The following FAM13A variants were observed in gnomAD, a reference collection of about 807,000 sequenced individuals.
FAM13A encodes the protein family with sequence similarity 13 member A.
FAM13A carries 76 observed loss-of-function variants against 129.6 expected under a neutral mutation model. The ratio of observed to expected loss-of-function variants is 0.59; its 90% CI spans 0.49 to 0.71. The LOEUF (loss-of-function observed/expected upper bound fraction) is 0.71. Among genes scored for constraint, FAM13A ranks in the 30% least tolerant of loss-of-function variants. The probability of loss-of-function intolerance (pLI) is 0.00; values close to 1 mark genes in which losing one functional copy is unlikely to be tolerated. For missense variants in FAM13A, 1,108 were observed against 1,249.3 expected (o/e 0.89, Z 1.70); for synonymous variants, 443 against 449.9 (o/e 0.98, Z 0.20).
chr4:88,963,366 C>A (rs2148923064), intron 4 of FAM13A, among the ~76,000 whole-genome samples: 1 of 150,816 alleles, frequency 6.6e-6, no homozygotes, highest in East Asian at 2.0e-4. Flanking sequence ...GGTGTGATCT[C>A]AGCTCACTGC....
chr4:89,006,085 T>C lies in FAM13A; in HGVS notation c.427+14375A>G, dbSNP rs532933404. Among the ~76,000 whole-genome samples the C allele has an allele frequency of 2.6e-5, 4 of 152,356 alleles. No homozygotes were observed. In the South Asian group the frequency reaches 6.2e-4, roughly 24 times the overall value. On this transcript the variant is annotated intron_variant, in intron 3 of 23. Coordinates refer to ENST00000264344, the MANE Select transcript of FAM13A (RefSeq NM_014883.4). ...AATCCATCTTGAGCTGAATTTTGTA[T>C]ACGGTGTAAAGAAGGGGTCCAGCTT...
chr4:89,007,247 TAACA>T (rs1214868160), intron 3 of FAM13A, among the ~76,000 whole-genome samples: 1 of 152,278 alleles, frequency 6.6e-6, no homozygotes, highest in African/African-American at 2.4e-5. Context: ...GACTTGCCCC[TAACA>T]AACAGGGCAG....
intron 3 of FAM13A, among the ~76,000 whole-genome samples, chr4:89,011,462 C>G (rs1765723747): frequency 1.3e-5 from 2 of 152,192 alleles, no homozygotes; most frequent in African/African-American, 4.8e-5. Context: ...TGTTAGCCTT[C>G]TAGATGTTCT....
At chr4:88,876,532 T>C (rs1561226634) in intron 6 of FAM13A, among the ~76,000 whole-genome samples, 1 of 152,102 alleles carries the variant, frequency 6.6e-6, no homozygotes, top group Non-Finnish European at 1.5e-5. Flanking sequence ...TGTTCTAAAA[T>C]CCATTCTATA....
At chr4:88,778,195 C>G (rs1485091856) in intron 11 of FAM13A, among the ~76,000 whole-genome samples, 1 of 152,162 alleles carries the variant, frequency 6.6e-6, no homozygotes, top group Non-Finnish European at 1.5e-5. Context: ...GCCCAGTTGC[C>G]TCTCTAATAT....
At chr4:88,749,170 G>A (rs1008982636) in intron 16 of FAM13A, 137 bp from the exon 17 acceptor site, 1 of 695,126 alleles carries the variant, frequency 1.4e-6, no homozygotes, top group East Asian at 2.5e-5. Context: ...CGACCAATCA[G>A]AGCAAATGTC....
chr4:88,895,160 A>G (rs1228156492), intron 6 of FAM13A, among the ~76,000 whole-genome samples: 3 of 152,132 alleles, frequency 2.0e-5, no homozygotes, highest in Non-Finnish European at 4.4e-5. Flanking sequence ...CATCATCACC[A>G]CTATTATTTC....
intron 1 of FAM13A, among the ~76,000 whole-genome samples, chr4:89,052,889 G>C (rs766300551): frequency 6.6e-6 from 1 of 152,096 alleles, no homozygotes; most frequent in Non-Finnish European, 1.5e-5. Flanking sequence ...AGAAACCAAG[G>C]GGGAGGAAAC....
chr4:89,053,707 A>C (rs1579951420), intron 1 of FAM13A, among the ~76,000 whole-genome samples: 4 of 152,286 alleles, frequency 2.6e-5, no homozygotes, highest in Admixed American at 2.6e-4. Flanking sequence ...GATATTACCA[A>C]GAGAACCAAT....
At chr4:88,770,069 A>G (rs1720331434) in intron 11 of FAM13A, among the ~76,000 whole-genome samples, 1 of 152,216 alleles carries the variant, frequency 6.6e-6, no homozygotes, top group Non-Finnish European at 1.5e-5. Context: ...CAGGAAATAC[A>G]GTGTTTGTGT....
chr4:88,944,367 G>T (rs539399357), intron 4 of FAM13A, among the ~76,000 whole-genome samples: 2 of 152,220 alleles, frequency 1.3e-5, no homozygotes, highest in Admixed American at 6.5e-5. Flanking sequence ...TTAAAAAAAA[G>T]AATTTGCCCT....
intron 6 of FAM13A, among the ~76,000 whole-genome samples, chr4:88,888,930 C>T (rs1419867599): frequency 7.5e-4 from 105 of 140,676 alleles, no homozygotes; most frequent in Non-Finnish European, 2.1e-4. Context: ...AGCGAGACTC[C>T]GTCTCCAAAA....
intron 10 of FAM13A, among the ~76,000 whole-genome samples, chr4:88,785,518 G>A (rs1386504110): frequency 1.3e-5 from 2 of 152,232 alleles, no homozygotes; most frequent in South Asian, 4.1e-4. Flanking sequence ...AAGAGGAGAT[G>A]CTGAAAGAAT....
At chr4:88,744,777 T>C (rs142479858) in intron 19 of FAM13A, among the ~76,000 whole-genome samples, 1 of 152,256 alleles carries the variant, frequency 6.6e-6, no homozygotes, top group Non-Finnish European at 1.5e-5. Flanking sequence ...GAACTCTGCT[T>C]TTCCTGAGGA....
At chr4:88,998,008 A>G (rs1763783827) in intron 3 of FAM13A, among the ~76,000 whole-genome samples, 1 of 152,214 alleles carries the variant, frequency 6.6e-6, no homozygotes, top group African/African-American at 2.4e-5. Flanking sequence ...CTGAGAAACC[A>G]GCAAAGAAAT....
At chr4:88,854,765 G>A (rs756603071) in intron 6 of FAM13A, among the ~76,000 whole-genome samples, 2 of 152,190 alleles carry the variant, frequency 1.3e-5, no homozygotes, top group African/African-American at 2.4e-5. Context: ...CTGCAAGTGC[G>A]CAGTAGCTCT....
At chr4:88,924,860 A>T (rs1751819347) in intron 5 of FAM13A, among the ~76,000 whole-genome samples, 1 of 151,574 alleles carries the variant, frequency 6.6e-6, no homozygotes, top group African/African-American at 2.4e-5. Context: ...ATTTACAAGA[A>T]AAAAACAAAC....
At chr4:88,813,709 C>A (rs1730109817) in intron 7 of FAM13A, among the ~76,000 whole-genome samples, 1 of 152,180 alleles carries the variant, frequency 6.6e-6, no homozygotes, top group African/African-American at 2.4e-5. Context: ...CTCCCGAACA[C>A]CCCTCACCTC....
chr4:88,868,811 T>C (rs969669343), intron 6 of FAM13A, among the ~76,000 whole-genome samples: 1 of 152,212 alleles, frequency 6.6e-6, no homozygotes, highest in African/African-American at 2.4e-5. Flanking sequence ...AACTCAGGCA[T>C]AGCAGTAATC....
Sources: allele counts gnomAD v4.1 joint callset (sites outside exome capture counted in the v4.1 genomes callset), GRCh38; gene constraint gnomAD v4.1.1; transcripts MANE v1.5; gene names NCBI Gene and HGNC (gene_info 2026-07-23, HGNC 2026-07-21).